Variants in LRMDA observed in about 807,000 individuals in gnomAD.
LRMDA encodes the protein leucine-rich melanocyte differentiation-associated protein.
In LRMDA, 18 loss-of-function variants were observed where a neutral mutation model predicts 29.8. The observed-to-expected ratio is 0.60, with a 90% confidence interval of 0.42 to 0.90. The LOEUF (loss-of-function observed/expected upper bound fraction) is 0.90, where lower values mean the gene tolerates loss of function less well. LRMDA is among the 40% of genes least tolerant of loss of function. The probability of loss-of-function intolerance (pLI) is 0.00; values close to 1 mark genes in which losing one functional copy is unlikely to be tolerated. For missense variants in LRMDA, 273 were observed against 273.9 expected (o/e 1.00, Z 0.02); for synonymous variants, 125 against 109.4 (o/e 1.14, Z -0.89).
At chr10:76,340,911 A>G (rs1841034115) in intron 6 of LRMDA, among the ~76,000 whole-genome samples, 2 of 152,216 alleles carry the variant, frequency 1.3e-5, no homozygotes, top group Admixed American at 6.5e-5. Context: ...GCCAGAAGAC[A>G]TCTGTGACAA....
chr10:76,219,450 GGCAGGGGTT>G (rs1851789066), intron 5 of LRMDA, among the ~76,000 whole-genome samples: 1 of 152,008 alleles, frequency 6.6e-6, no homozygotes, highest in South Asian at 2.1e-4. Flanking sequence ...ACAAAAAAAA[GGCAGGGGTT>G]GCAATCCTAG....
intron 6 of LRMDA, among the ~76,000 whole-genome samples, chr10:76,451,447 C>T (rs1005893082): frequency 3.9e-4 from 60 of 152,020 alleles, no homozygotes; most frequent in African/African-American, 1.3e-3. Context: ...CCTCGTGATC[C>T]GCCCGCCTCG....
intron 2 of LRMDA, among the ~76,000 whole-genome samples, chr10:75,590,628 G>T (rs1009711439): frequency 6.7e-6 from 1 of 150,250 alleles, no homozygotes; most frequent in African/African-American, 2.5e-5. Context: ...TGCCTTGGAA[G>T]TTGGTAGCTA....
Position 76,151,656 on chromosome 10 carries a change from G to C in LRMDA, c.516+92873G>C, listed in dbSNP as rs557781662. ...AGATTGCCAAAAGATAGGTTAACAA[G>C]AGAAAAGTATTTTTTGTTGTTGTTG... On this transcript the variant is annotated intron_variant, in intron 5 of 6. Coordinates refer to ENST00000611255, the MANE Select transcript of LRMDA (RefSeq NM_001305581.2). Among the ~76,000 whole-genome samples the C allele has an allele frequency of 2.0e-5, 3 of 152,328 alleles. No homozygotes were observed. The South Asian group carries it at 6.2e-4, about 32-fold the overall frequency.
At chr10:76,056,351 G>A (rs1053032224) in intron 4 of LRMDA, among the ~76,000 whole-genome samples, 2 of 152,226 alleles carry the variant, frequency 1.3e-5, no homozygotes, top group African/African-American at 2.4e-5. Context: ...TCTGATTTAC[G>A]AAACTGGTAG....
At position 76,438,262 on chromosome 10, in the gene LRMDA, T is replaced by C. The variant is rs1462690823; in HGVS notation, c.601+113777T>C. ...CACAGGACCCTCATCAGAGGCTCTC[T>C]GTGTGTTTTATGGTTGATTGAGCTT... On this transcript the variant is annotated intron_variant, in intron 6 of 6. Transcript: ENST00000611255. Among the ~76,000 whole-genome samples, 3 of 152,198 alleles carry C rather than the reference T, an allele frequency of 2.0e-5. No homozygotes were observed. In the East Asian group the frequency reaches 5.8e-4, roughly 29 times the overall value.
intron 5 of LRMDA, among the ~76,000 whole-genome samples, chr10:76,272,506 G>A (rs7080671): frequency 3.3e-5 from 5 of 151,996 alleles, no homozygotes; most frequent in Admixed American, 1.3e-4. Context: ...CATTAAATTC[G>A]GTTTACCTCT....
chr10:75,954,647 G>A (rs1449309851), intron 2 of LRMDA, among the ~76,000 whole-genome samples: 4 of 152,140 alleles, frequency 2.6e-5, no homozygotes, highest in South Asian at 2.1e-4. Context: ...ACCACTGAAC[G>A]GCCATTTGAG....
chr10:75,734,813 A>G (rs1277544919), intron 2 of LRMDA, among the ~76,000 whole-genome samples: 1 of 152,150 alleles, frequency 6.6e-6, no homozygotes, highest in African/African-American at 2.4e-5. Flanking sequence ...AAAAAAATTG[A>G]AGAGTTTTAA....
chr10:76,183,923 G>A (rs1293785322), intron 5 of LRMDA, among the ~76,000 whole-genome samples: 1 of 152,106 alleles, frequency 6.6e-6, no homozygotes, highest in Non-Finnish European at 1.5e-5. Flanking sequence ...GTCTTGCTCT[G>A]TTGCCCCTAG....
At chr10:75,890,745 G>A (rs970586165) in intron 2 of LRMDA, among the ~76,000 whole-genome samples, 4 of 152,182 alleles carry the variant, frequency 2.6e-5, no homozygotes, top group Admixed American at 2.0e-4. Context: ...GTAGTGTTGT[G>A]TCATGTCATG....
chr10:75,776,683 G>C (rs1436581335), intron 2 of LRMDA, among the ~76,000 whole-genome samples: 1 of 152,226 alleles, frequency 6.6e-6, no homozygotes, highest in Non-Finnish European at 1.5e-5. Flanking sequence ...GTCTTAGAGA[G>C]AAGAAAAGTT....
intron 2 of LRMDA, among the ~76,000 whole-genome samples, chr10:75,452,326 T>A (rs995859723): frequency 6.6e-6 from 1 of 152,172 alleles, no homozygotes; most frequent in Non-Finnish European, 1.5e-5. Flanking sequence ...TTATCGCGCG[T>A]CTCTGTTCTT....
intron 2 of LRMDA, among the ~76,000 whole-genome samples, chr10:75,584,139 C>T (rs1364593322): frequency 6.6e-6 from 1 of 152,166 alleles, no homozygotes; most frequent in African/African-American, 2.4e-5. Context: ...CCACAGCTAG[C>T]CCCTTCCCCT....
chr10:76,486,655 A>G (rs1842785351), intron 6 of LRMDA, among the ~76,000 whole-genome samples: 1 of 151,844 alleles, frequency 6.6e-6, no homozygotes, highest in South Asian at 2.1e-4. Flanking sequence ...TTAGGTTCTT[A>G]CTGGGACTTT....
intron 2 of LRMDA, among the ~76,000 whole-genome samples, chr10:75,928,717 G>C (rs1049970993): frequency 2.0e-5 from 3 of 152,132 alleles, no homozygotes; most frequent in African/African-American, 7.2e-5. Flanking sequence ...CTAGGTTTTA[G>C]GTCCTTTCCT....
chr10:76,473,624 AAAAAAG>A (rs1842639908), intron 6 of LRMDA, among the ~76,000 whole-genome samples: 1 of 151,618 alleles, frequency 6.6e-6, no homozygotes, highest in Non-Finnish European at 1.5e-5. Context: ...CTGCTAAAAA[AAAAAAG>A]AAAAAAGAAA....
intron 6 of LRMDA, among the ~76,000 whole-genome samples, chr10:76,340,629 G>A (rs546805608): frequency 6.6e-6 from 1 of 150,548 alleles, no homozygotes; most frequent in Admixed American, 6.6e-5. Flanking sequence ...TCCCTAACTT[G>A]ATAAAGTGTA....
intron 5 of LRMDA, among the ~76,000 whole-genome samples, chr10:76,159,522 C>G (rs980392137): frequency 6.6e-6 from 1 of 152,172 alleles, no homozygotes; most frequent in African/African-American, 2.4e-5. Flanking sequence ...CCAGCCATCA[C>G]ACTCCTTGGT....
Sources: gnomAD v4.1 joint callset for allele counts (sites outside exome capture counted in the v4.1 genomes callset) on GRCh38, gnomAD v4.1.1 for gene constraint, MANE v1.5 for transcripts, NCBI Gene and HGNC (gene_info 2026-07-23, HGNC 2026-07-21) for gene names.